Variants in DNAH7 observed in about 807,000 individuals in gnomAD.
The protein encoded by DNAH7 is axonemal beta dynein heavy chain 7.
In DNAH7, 397 loss-of-function variants were observed where a neutral mutation model predicts 444.6. The observed-to-expected ratio is 0.89, with a 90% CI of 0.82 to 0.97. The LOEUF is 0.97. Among genes scored for constraint, DNAH7 ranks in the 50% least tolerant of loss-of-function variants. DNAH7 has a pLI of 0.00. For synonymous variants in DNAH7, 1,636 were observed against 1,624.4 expected, an observed-to-expected ratio of 1.01 and a Z score of -0.17; for missense variants, 4,902 against 4,800.8, an observed-to-expected ratio of 1.02 and a Z score of -0.62.
intron 63 of DNAH7, among the ~76,000 whole-genome samples, chr2:195,745,830 TAA>T (rs1371233734): frequency 6.6e-6 from 1 of 152,232 alleles, no homozygotes; most frequent in Admixed American, 6.5e-5. Flanking sequence ...AGGCCTGCCC[TAA>T]AAGAGCTCCT....
intron 58 of DNAH7, 84 bp from the exon 59 acceptor site, chr2:195,778,069 A>C: frequency 2.3e-6 from 3 of 1,287,746 alleles, no homozygotes; most frequent in Non-Finnish European, 3.0e-6. Flanking sequence ...TTACTAAATT[A>C]AACATCTTAC....
chr2:195,955,872 T>C (rs1690612293), intron 19 of DNAH7, among the ~76,000 whole-genome samples: 1 of 152,138 alleles, frequency 6.6e-6, no homozygotes, highest in South Asian at 2.1e-4. Flanking sequence ...TGCACTGTTG[T>C]AAGGAAACTA....
In DNAH7 at chr2:195,936,716, A is replaced by G. The variant is rs1370164419; in HGVS notation, c.3155T>C (p.Leu1052Pro). 3.1e-6 allele frequency: 5 copies of G among 1,603,376 alleles called. No individual in the cohort carries two copies. In the African/African-American group the frequency reaches 5.4e-5, roughly 17 times the overall value. The change falls in exon 20 of 65, where the codon CTC (leucine) becomes CCC (proline). Residue 1052 changes from leucine to proline, a missense_variant. Physicochemically the swap from Leu to Pro is moderately conservative, Grantham distance 98 (BLOSUM62 -3). Transcript: ENST00000312428. Reference sequence around the variant, plus strand: ...ATATTCATTAAGTCCTTTAAGAATGAGCTCCAAAAGTTCATTAGATTTTTT... The same window carrying G: ...ATATTCATTAAGTCCTTTAAGAATGGGCTCCAAAAGTTCATTAGATTTTTT... ...RLKKSNELLE[L>P]ILKGLNEYLE... is the part of the protein sequence containing the mutation.
chr2:195,875,574 C>A, intron 38 of DNAH7, 101 bp downstream of exon 38: 1 of 1,124,484 alleles, frequency 8.9e-7, no homozygotes, highest in Non-Finnish European at 1.3e-6. Context: ...AACATATACA[C>A]AAAACACTGC....
chr2:195,742,924 G>C (rs1693130758), intron 63 of DNAH7, among the ~76,000 whole-genome samples: 1 of 152,208 alleles, frequency 6.6e-6, no homozygotes, highest in Non-Finnish European at 1.5e-5. Flanking sequence ...GTGTGTCTAA[G>C]AGGGTGTTGC....
At position 195,963,247 on chromosome 2, in the gene DNAH7, C is replaced by T. The variant is rs1399110812; in HGVS notation, c.2206-2302G>A. Among the ~76,000 whole-genome samples, 3 of 152,264 alleles carry T rather than the reference C, an allele frequency of 2.0e-5. No individual in the cohort carries two copies. In the East Asian group the frequency reaches 5.8e-4, roughly 29 times the overall value. On this transcript the variant is annotated intron_variant, in intron 17 of 64. Coordinates refer to ENST00000312428, the MANE Select transcript of DNAH7 (RefSeq NM_018897.3). ...TCCAATCAACAGTGTAAGAAAGTTT[C>T]CTTTTCTCTACATCTTTGACAGCAG...
Position 196,026,834 on chromosome 2 carries a change from A to G in DNAH7, c.593T>C (p.Val198Ala), listed in dbSNP as rs767351923. Reference sequence around the variant, plus strand: ...TAATGTAACTATGCTGTCAGTGAAGACTTTCAGATGTTGTGGAACTAAATC... The same window carrying G: ...TAATGTAACTATGCTGTCAGTGAAGGCTTTCAGATGTTGTGGAACTAAATC... ...VLDLVPQHLKVFTDSIVTLSD... is the reference protein window; with the variant it reads ...VLDLVPQHLKAFTDSIVTLSD... The change falls in exon 7 of 65, where the codon GTC becomes GCC. Residue 198 changes from valine (V) to alanine (A), a missense_variant. Val to Ala is a moderately conservative substitution (Grantham distance 64, BLOSUM62 0). Transcript: ENST00000312428. 1 of 1,612,634 alleles carries G rather than the reference A, an allele frequency of 6.2e-7. No individual in the cohort carries two copies. Among genetic ancestry groups the G allele is most frequent in the African/African-American group, 1.3e-5 (1 of 74,892 alleles).
intron 21 of DNAH7, among the ~76,000 whole-genome samples, chr2:195,932,865 T>C (rs1574810549): frequency 1.3e-5 from 2 of 152,178 alleles, no homozygotes; most frequent in South Asian, 4.1e-4. Context: ...ATCAGGGATA[T>C]TGGTCTAAAA....
At chr2:196,017,540 G>A (rs1695108377) in intron 9 of DNAH7, among the ~76,000 whole-genome samples, 1 of 151,716 alleles carries the variant, frequency 6.6e-6, no homozygotes, top group South Asian at 2.1e-4. Context: ...ACATGCCATA[G>A]AGTCACCCTA....
rs1701077370 is a variant in DNAH7 at position 195,876,603 on chromosome 2, T to C, written c.6058A>G (p.Met2020Val). The C allele has an allele frequency of 3.7e-6, 6 of 1,613,722 alleles. No individual in the cohort carries two copies. The highest frequency in any genetic ancestry group is 1.1e-5 in the South Asian group (1 of 91,060). The change falls in exon 37 of 65, where the codon ATG (methionine) becomes GTG (valine). Residue 2020 changes from methionine (M) to valine (V), a missense_variant. Physicochemically the swap from Met to Val is conservative, Grantham distance 21. Transcript: ENST00000312428. ...TTTCTTCTCTTGTCCAATTTTGACA[T>C]GACAATATTCTGAGTTTGAGCTGCT... ...TTAAQTQNIV[M>V]SKLDKRRKGV... is the part of the protein sequence containing the mutation.
At chr2:195,950,484 A>G (rs1245628173) in intron 19 of DNAH7, among the ~76,000 whole-genome samples, 2 of 151,560 alleles carry the variant, frequency 1.3e-5, no homozygotes, top group Non-Finnish European at 2.9e-5. Flanking sequence ...TATTGTGTCT[A>G]TTTGATTCTT....
intron 5 of DNAH7, among the ~76,000 whole-genome samples, chr2:196,035,703 G>C (rs921610240): frequency 1.3e-5 from 2 of 152,132 alleles, no homozygotes; most frequent in Non-Finnish European, 2.9e-5. Context: ...AGGAAAGTAG[G>C]GCAGTAGGCC....
chr2:195,865,176 A>G (rs781387312), intron 40 of DNAH7, among the ~76,000 whole-genome samples, 155 bp from the exon 41 acceptor site: 10 of 152,180 alleles, frequency 6.6e-5, no homozygotes, highest in Admixed American at 1.3e-4. Flanking sequence ...ATTCACAATA[A>G]TGTTATTTTA....
chr2:195,861,432 C>T (rs1700008387), intron 42 of DNAH7, among the ~76,000 whole-genome samples: 1 of 152,122 alleles, frequency 6.6e-6, no homozygotes, highest in African/African-American at 2.4e-5. Context: ...AGAGAAAAAT[C>T]ACTCTCTACT....
chr2:195,924,152 C>G (rs948267807), intron 22 of DNAH7, among the ~76,000 whole-genome samples: 1 of 152,158 alleles, frequency 6.6e-6, no homozygotes, highest in Non-Finnish European at 1.5e-5. Context: ...AATCACAGTT[C>G]TTCCTGGGGA....
At chr2:195,963,904 A>C (rs1039702684) in intron 17 of DNAH7, among the ~76,000 whole-genome samples, 9 of 152,184 alleles carry the variant, frequency 5.9e-5, no homozygotes, top group African/African-American at 2.2e-4. Flanking sequence ...CTTTTCTCTA[A>C]AATGAATTTA....
chr2:195,878,632 C>T lies in DNAH7; in HGVS notation c.5962-1933G>A, dbSNP rs1034370291. Reference sequence around the variant, plus strand: ...TAATAAAATAATGAAAATAAGAATGCAACACATACATAAGCCATGGTGTGA... The same window carrying T: ...TAATAAAATAATGAAAATAAGAATGTAACACATACATAAGCCATGGTGTGA... On this transcript the variant is annotated intron_variant, in intron 36 of 64. Coordinates refer to ENST00000312428, the MANE Select transcript of DNAH7 (RefSeq NM_018897.3). Among the ~76,000 whole-genome samples, 4 of 152,036 alleles carry T rather than the reference C, an allele frequency of 2.6e-5. 1 individual carries two copies. The highest frequency in any genetic ancestry group is 9.7e-5 in the African/African-American group (4 of 41,412).
intron 14 of DNAH7, 65 bp from the exon 15 acceptor site, chr2:195,984,775 T>C (rs1477859083): frequency 1.4e-6 from 2 of 1,386,726 alleles, no homozygotes; most frequent in African/African-American, 2.9e-5. Flanking sequence ...AATATATTCC[T>C]GTATACTGTT....
rs374944302 is a variant in DNAH7 at position 196,058,088 on chromosome 2, T to C, written c.44A>G (p.Lys15Arg). The C allele has an allele frequency of 1.4e-5, 22 of 1,582,742 alleles. No homozygotes were observed. The African/African-American group carries it at 1.9e-4, about 14-fold the overall frequency. Residue 15 changes from lysine (K) to arginine (R), a missense_variant, in exon 2 of 65, where the codon AAG (lysine) becomes AGG (arginine). By Grantham distance (26) the Lys-to-Arg change is conservative. Coordinates refer to ENST00000312428, the MANE Select transcript of DNAH7 (RefSeq NM_018897.3). ...CTGTGGTAGAAATCTTACTGGTTTC[T>C]TGGATTTTTCTTTGCTGGCCGATTT... ...QDKSASKEKS[K>R]KPVRFLPQLS...
Sources: gnomAD v4.1 joint callset for allele counts (sites outside exome capture counted in the v4.1 genomes callset) on GRCh38, gnomAD v4.1.1 for gene constraint, MANE v1.5 for transcripts, NCBI Gene and HGNC (gene_info 2026-07-23, HGNC 2026-07-21) for gene names.